Variants in TNS1 observed in about 807,000 individuals in gnomAD.
TNS1 encodes the protein tensin-1.
Under a neutral mutation model 168.6 loss-of-function variants are expected in TNS1, and 62 were observed. The observed-to-expected ratio is 0.37, with a 90% CI of 0.30 to 0.45. The LOEUF (loss-of-function observed/expected upper bound fraction) is 0.45. TNS1 is among the 20% of genes least tolerant of loss of function. TNS1 has a pLI of 1.00. For missense variants in TNS1, 2,240 were observed against 2,339.4 expected (o/e 0.96, Z 0.88); for synonymous variants, 934 against 933.2 (o/e 1.00, Z -0.02).
chr2:218,003,305 G>A (rs983597044), upstream of TNS1, among the ~76,000 whole-genome samples: 6 of 146,322 alleles, frequency 4.1e-5, no homozygotes, highest in East Asian at 2.1e-4. Context: ...GCAGACCCCC[G>A]CCCCTGGCAA....
chr2:217,879,678 C>G (rs1461468956), intron 18 of TNS1, among the ~76,000 whole-genome samples: 2 of 152,164 alleles, frequency 1.3e-5, no homozygotes, highest in South Asian at 4.1e-4. Context: ...TTCTGGTGAC[C>G]CCAAGGTCAG....
intron 18 of TNS1, among the ~76,000 whole-genome samples, chr2:217,860,878 T>C (rs1020475189): frequency 6.6e-6 from 1 of 152,188 alleles, no homozygotes; most frequent in African/African-American, 2.4e-5. Context: ...CAATAGTTCC[T>C]GCCAGTGGCA....
intron 12 of TNS1, among the ~76,000 whole-genome samples, chr2:217,889,802 G>A (rs1399601383): frequency 1.3e-5 from 2 of 152,210 alleles, no homozygotes; most frequent in Non-Finnish European, 2.9e-5. Flanking sequence ...GCAGGTGGCA[G>A]GCCCACAACT....
chr2:217,930,736 G>A (rs936530778), intron 3 of TNS1, among the ~76,000 whole-genome samples: 1 of 152,220 alleles, frequency 6.6e-6, no homozygotes, highest in African/African-American at 2.4e-5. Context: ...CGCGGCCGGA[G>A]GACTAGGGGG....
chr2:217,962,875 G>A (rs1413568248), intron 3 of TNS1, among the ~76,000 whole-genome samples: 1 of 152,140 alleles, frequency 6.6e-6, no homozygotes, highest in Non-Finnish European at 1.5e-5. Flanking sequence ...AAAGGGCAGT[G>A]GTGGGAACAC....
At chr2:217,988,740 T>G (rs567211290) in intron 2 of TNS1, among the ~76,000 whole-genome samples, 6 of 152,250 alleles carry the variant, frequency 3.9e-5, no homozygotes, top group Non-Finnish European at 5.9e-5. Flanking sequence ...AAAGTCCTGG[T>G]TAGCCACTTT....
intron 1 of TNS1, among the ~76,000 whole-genome samples, chr2:218,029,003 C>T (rs973589865): frequency 3.3e-5 from 5 of 152,200 alleles, no homozygotes; most frequent in South Asian, 2.1e-4. Context: ...ATACATCAAA[C>T]GAGGAGGCAG....
At chr2:217,916,566 C>G (rs1472187088) in intron 4 of TNS1, among the ~76,000 whole-genome samples, 2 of 152,228 alleles carry the variant, frequency 1.3e-5, no homozygotes, top group Non-Finnish European at 2.9e-5. Flanking sequence ...CCGTGGCAAA[C>G]AAGCCCTCTT....
intron 3 of TNS1, among the ~76,000 whole-genome samples, chr2:217,963,187 A>G (rs1029483473): frequency 6.6e-6 from 1 of 152,164 alleles, no homozygotes; most frequent in African/African-American, 2.4e-5. Flanking sequence ...GTCCCGAGAT[A>G]CCTCCAGGAA....
chr2:217,843,960 G>A (rs1946318090), intron 19 of TNS1, among the ~76,000 whole-genome samples: 1 of 151,890 alleles, frequency 6.6e-6, no homozygotes, highest in South Asian at 2.1e-4. Context: ...CCTTCCATAT[G>A]TCTCTCCCTG....
At chr2:217,808,538 T>G (rs1939694240) in intron 31 of TNS1, 65 bp downstream of exon 31, 1 of 1,449,168 alleles carries the variant, frequency 6.9e-7, no homozygotes, top group Non-Finnish European at 9.7e-7. Context: ...TGCACATGCA[T>G]GCACCCACAC....
chr2:217,849,237 G>A, intron 18 of TNS1, 150 bp from the exon 19 acceptor site: 3 of 968,246 alleles, frequency 3.1e-6, no homozygotes, highest in South Asian at 1.7e-5. Flanking sequence ...GGGGAAAAGG[G>A]GAGCTGACAG....
chr2:218,025,813 A>T (rs1040207896), intron 1 of TNS1, among the ~76,000 whole-genome samples: 1 of 151,922 alleles, frequency 6.6e-6, no homozygotes, highest in South Asian at 2.1e-4. Context: ...GGTGGCTGGG[A>T]ATACAGGTGT....
At chr2:217,996,559 G>A (rs1201041788) in intron 1 of TNS1, among the ~76,000 whole-genome samples, 2 of 151,904 alleles carry the variant, frequency 1.3e-5, no homozygotes, top group Admixed American at 1.3e-4. Flanking sequence ...GTCGCCCTGG[G>A]TGGAAAGCTC....
intron 3 of TNS1, among the ~76,000 whole-genome samples, chr2:217,938,414 G>A (rs953579419): frequency 1.3e-5 from 2 of 152,214 alleles, no homozygotes; most frequent in Non-Finnish European, 2.9e-5. Flanking sequence ...CCCTTGCACG[G>A]GTTCAAAGCT....
rs764263104 is a variant in TNS1 at position 217,882,429 on chromosome 2, A to G, written c.1247-18T>C. 1.9e-6 allele frequency: 3 copies of G among 1,575,892 alleles called. No individual in the cohort carries two copies. The African/African-American group carries it at 4.1e-5, about 22-fold the overall frequency. On this transcript the variant is annotated intron_variant, in intron 16 of 32. Transcript: ENST00000682258. Reference sequence around the variant, plus strand: ...TCGATCATCTGGAAAAAGAGAAGGAAAAATAAAAATAGGCAAAAAGTCCCA... The same window carrying G: ...TCGATCATCTGGAAAAAGAGAAGGAGAAATAAAAATAGGCAAAAAGTCCCA...
chr2:218,007,811 G>C (rs1958673590), upstream of TNS1, among the ~76,000 whole-genome samples: 2 of 152,072 alleles, frequency 1.3e-5, no homozygotes, highest in Non-Finnish European at 2.9e-5. Flanking sequence ...CGGGTGCCCA[G>C]ACCTCTAGCA....
intron 1 of TNS1, among the ~76,000 whole-genome samples, chr2:218,017,373 C>A (rs559624478): frequency 2.0e-4 from 30 of 152,366 alleles, no homozygotes; most frequent in East Asian, 1.5e-3. Flanking sequence ...ATCCCTTGGG[C>A]AGCCTAGCCC....
chr2:218,018,475 C>T (rs570936009), intron 1 of TNS1, among the ~76,000 whole-genome samples: 3 of 152,376 alleles, frequency 2.0e-5, no homozygotes, highest in South Asian at 2.1e-4. Context: ...TATGAATTCT[C>T]TTCCAGAAAC....
Sources: allele counts gnomAD v4.1 joint callset (sites outside exome capture counted in the v4.1 genomes callset), GRCh38; gene constraint gnomAD v4.1.1; transcripts MANE v1.5; gene names NCBI Gene and HGNC (gene_info 2026-07-23, HGNC 2026-07-21).